NAV3: variants seen among roughly 807,000 people sequenced by gnomAD.
NAV3 encodes pore membrane and/or filament interacting like protein 1.
In NAV3, 87 loss-of-function variants were observed where a neutral mutation model predicts 244.7. That is an observed-to-expected ratio of 0.36 (90% CI 0.30 to 0.42). The LOEUF (loss-of-function observed/expected upper bound fraction) is 0.42, where lower values mean the gene tolerates loss of function less well. Ranked by LOEUF, NAV3 falls within the 20% of genes least tolerant of loss-of-function variation. The pLI is 1.00. For synonymous variants in NAV3, 1,126 were observed against 1,042.2 expected, an observed-to-expected ratio of 1.08 and a Z score of -1.55; for missense variants, 2,663 against 2,893.3, an observed-to-expected ratio of 0.92 and a Z score of 1.83.
intron 9 of NAV3, among the ~76,000 whole-genome samples, chr12:78,029,869 A>G (rs924768961): frequency 2.6e-5 from 4 of 152,216 alleles, no homozygotes; most frequent in African/African-American, 9.6e-5. Flanking sequence ...GCCTATTAGT[A>G]GCATATAAAT....
chr12:77,706,956 C>T (rs1014564567), intron 2 of NAV3, among the ~76,000 whole-genome samples: 1 of 143,684 alleles, frequency 7.0e-6, no homozygotes, highest in African/African-American at 2.8e-5. Context: ...TAAACAAGTC[C>T]GTGCATATTT....
intron 17 of NAV3, among the ~76,000 whole-genome samples, chr12:78,128,492 T>A (rs1956021881): frequency 6.6e-6 from 1 of 152,142 alleles, no homozygotes; most frequent in Admixed American, 6.5e-5. Context: ...AGAAGCATAA[T>A]TTTCTCCTCA....
chr12:77,785,995 T>A (rs1870887526), intron 2 of NAV3, among the ~76,000 whole-genome samples: 1 of 152,298 alleles, frequency 6.6e-6, no homozygotes, highest in African/African-American at 2.4e-5. Context: ...GTGATCTTAT[T>A]TGATGAGTGT....
In NAV3 at chr12:78,122,097, G is replaced by A. The variant is rs1955695460; in HGVS notation, c.3907G>A (p.Gly1303Arg). Residue 1303 changes from glycine to arginine, a missense_variant, in exon 16 of 40, where the codon GGG becomes AGG. Around this residue, in one of 6 missense-constraint regions of NAV3, gnomAD observed 354 missense variants for 413.0 expected, o/e 0.86. Transcript: ENST00000397909. ...TACGGGCAGCATGGGCAGTGCTGGTGGGCTAAGCGGCAGCAGCAGCCCTCT... is the reference window on the plus strand; with the variant it reads ...TACGGGCAGCATGGGCAGTGCTGGTAGGCTAAGCGGCAGCAGCAGCCCTCT... ...SGTGSMGSAG[G>R]LSGSSSPLFN... The A allele has an allele frequency of 1.2e-6, 2 of 1,614,006 alleles. No individual in the cohort carries two copies. The highest frequency in any genetic ancestry group is 1.7e-6 in the Non-Finnish European group (2 of 1,180,032).
chr12:78,191,625 G>T (rs1958986286), intron 34 of NAV3, among the ~76,000 whole-genome samples: 1 of 152,160 alleles, frequency 6.6e-6, no homozygotes, highest in African/African-American at 2.4e-5. Context: ...ACCATCTAAA[G>T]AAAGACATAG....
At chr12:78,108,236 G>C (rs1360481439) in intron 12 of NAV3, among the ~76,000 whole-genome samples, 1 of 152,082 alleles carries the variant, frequency 6.6e-6, no homozygotes, top group African/African-American at 2.4e-5. Context: ...ATAATGATGA[G>C]ATTAACCCAG....
chr12:77,894,647 A>G (rs779466542), intron 1 of NAV3, among the ~76,000 whole-genome samples: 18 of 152,352 alleles, frequency 1.2e-4, no homozygotes, highest in Non-Finnish European at 2.1e-4. Context: ...ATAAATGTCT[A>G]TGAAGATAAG....
At chr12:78,095,883 C>T (rs531292424) in intron 12 of NAV3, among the ~76,000 whole-genome samples, 34 of 152,266 alleles carry the variant, frequency 2.2e-4, no homozygotes, top group Middle Eastern at 3.4e-3. Context: ...ATCCAGATGA[C>T]ACTCTGTATG....
chr12:77,843,697 T>C (rs1161231525), intron 1 of NAV3, among the ~76,000 whole-genome samples: 1 of 152,142 alleles, frequency 6.6e-6, no homozygotes, highest in Non-Finnish European at 1.5e-5. Flanking sequence ...CTGGATGTAA[T>C]TGTTTTATTT....
At chr12:77,983,890 G>C (rs944105554) in intron 5 of NAV3, among the ~76,000 whole-genome samples, 1 of 152,148 alleles carries the variant, frequency 6.6e-6, no homozygotes, top group African/African-American at 2.4e-5. Flanking sequence ...CTGGAATCTA[G>C]ATACAAATGA....
At chr12:78,149,544 G>C (rs1956991783) in intron 22 of NAV3, among the ~76,000 whole-genome samples, 1 of 152,080 alleles carries the variant, frequency 6.6e-6, no homozygotes, top group South Asian at 2.1e-4. Flanking sequence ...CTGTGTCAGG[G>C]AGCACTCAGA....
chr12:77,664,611 A>G (rs938058466), intron 2 of NAV3, among the ~76,000 whole-genome samples: 6 of 152,214 alleles, frequency 3.9e-5, no homozygotes, highest in African/African-American at 1.4e-4. Context: ...GTTCTATTAT[A>G]ACTCCTAAGT....
At chr12:78,016,020 A>G (rs1876140170) in intron 8 of NAV3, among the ~76,000 whole-genome samples, 2 of 152,128 alleles carry the variant, frequency 1.3e-5, no homozygotes, top group African/African-American at 4.8e-5. Flanking sequence ...GAGCCCCTTC[A>G]AACTGGCTGT....
At chr12:77,833,846 C>T (rs547775941) in intron 1 of NAV3, among the ~76,000 whole-genome samples, 1 of 152,238 alleles carries the variant, frequency 6.6e-6, no homozygotes, top group South Asian at 2.1e-4. Flanking sequence ...GCCCAGCAGC[C>T]AGACTCTCCT....
chr12:77,904,289 A>G (rs894791785), intron 1 of NAV3, among the ~76,000 whole-genome samples: 8 of 152,192 alleles, frequency 5.3e-5, no homozygotes, highest in Non-Finnish European at 7.4e-5. Context: ...TGTGGCACAT[A>G]TACACCATGG....
At chr12:78,091,795 C>CAAAAAAAAAAAAAAAAAAAAA (rs57863867) in intron 12 of NAV3, 7 of 103,828 alleles carry the variant, frequency 6.7e-5, no homozygotes, top group African/African-American at 1.7e-4. Flanking sequence ...GACTCCGTCT[C>CAAAAAAAAAAAAAAAAAAAAA]AAAAAAAAAA....
intron 2 of NAV3, among the ~76,000 whole-genome samples, chr12:77,824,766 G>T (rs1872901045): frequency 6.6e-6 from 1 of 151,850 alleles, no homozygotes; most frequent in South Asian, 2.1e-4. Flanking sequence ...GGTGGTGTGT[G>T]CCTGTAATCC....
intron 8 of NAV3, among the ~76,000 whole-genome samples, chr12:78,011,478 C>A (rs1183376106): frequency 6.6e-6 from 1 of 152,010 alleles, no homozygotes. Flanking sequence ...ACAAATCTGG[C>A]AAAATGGAGT....
chr12:77,727,694 T>C (rs146456123), intron 2 of NAV3, among the ~76,000 whole-genome samples: 1 of 151,954 alleles, frequency 6.6e-6, no homozygotes, highest in Non-Finnish European at 1.5e-5. Flanking sequence ...TTTACACTTA[T>C]TAAATCAACG....
Sources: gnomAD v4.1 joint callset for allele counts (sites outside exome capture counted in the v4.1 genomes callset) on GRCh38, gnomAD v4.1.1 for gene constraint, gnomAD v4.1.1 regional missense constraint, MANE v1.5 for transcripts, NCBI Gene and HGNC (gene_info 2026-07-23, HGNC 2026-07-21) for gene names.